The following CTNNA2 variants were observed in gnomAD, a reference collection of about 807,000 sequenced individuals.
CTNNA2 encodes catenin alpha-2.
A neutral mutation model predicts 101.0 loss-of-function variants in CTNNA2; 42 were observed. The ratio of observed to expected loss-of-function variants is 0.42; its 90% CI spans 0.32 to 0.54. The LOEUF is 0.54. CTNNA2 is among the 20% of genes least tolerant of loss of function. CTNNA2 has a pLI of 0.14. For missense variants in CTNNA2, 871 were observed against 1,223.1 expected (o/e 0.71, Z 4.29); for synonymous variants, 450 against 456.4 (o/e 0.99, Z 0.18).
At chr2:79,376,018 C>T (rs1236867714) in intron 4 of CTNNA2, among the ~76,000 whole-genome samples, 2 of 152,030 alleles carry the variant, frequency 1.3e-5, no homozygotes, top group African/African-American at 2.4e-5. Flanking sequence ...CATCAGGAAC[C>T]GAAAATGAAA....
chr2:80,595,560 G>A (rs762323068), intron 15 of CTNNA2, among the ~76,000 whole-genome samples: 5 of 152,134 alleles, frequency 3.3e-5, no homozygotes, highest in Non-Finnish European at 5.9e-5. Context: ...GGTCTTAGAG[G>A]TAAAGCTTTT....
At chr2:79,721,886 A>T (rs895642108) in intron 2 of CTNNA2, among the ~76,000 whole-genome samples, 3 of 152,198 alleles carry the variant, frequency 2.0e-5, no homozygotes, top group African/African-American at 4.8e-5. Context: ...TGTATTATGT[A>T]ATACAGTGGA....
chr2:80,545,880 T>C (rs746974300), intron 10 of CTNNA2, 27 bp from the exon 11 acceptor site: 1 of 1,609,654 alleles, frequency 6.2e-7, no homozygotes. Context: ...GTGGTCATCA[T>C]GTCCCTGGAT....
intron 7 of CTNNA2, among the ~76,000 whole-genome samples, chr2:79,930,943 G>T (rs531641868): frequency 6.6e-6 from 1 of 152,316 alleles, no homozygotes; most frequent in Non-Finnish European, 1.5e-5. Flanking sequence ...TTCTGGCAGA[G>T]CAATTGGACT....
chr2:79,849,560 C>A (rs992607509), intron 3 of CTNNA2, among the ~76,000 whole-genome samples: 1 of 152,054 alleles, frequency 6.6e-6, no homozygotes, highest in African/African-American at 2.4e-5. Flanking sequence ...GTCATAGCCA[C>A]CCTGGGGTGA....
intron 3 of CTNNA2, among the ~76,000 whole-genome samples, chr2:79,774,999 T>G (rs1211151040): frequency 6.6e-6 from 1 of 152,188 alleles, no homozygotes; most frequent in Non-Finnish European, 1.5e-5. Context: ...CCTTTATGAT[T>G]GGACTATATG....
intron 3 of CTNNA2, among the ~76,000 whole-genome samples, chr2:79,339,158 C>T (rs1677073450): frequency 2.0e-5 from 3 of 151,812 alleles, no homozygotes; most frequent in African/African-American, 7.3e-5. Flanking sequence ...AGCACTGAGC[C>T]CTGAGAAGTT....
At chr2:79,673,596 C>A (rs1450973944) in intron 2 of CTNNA2, among the ~76,000 whole-genome samples, 1 of 152,172 alleles carries the variant, frequency 6.6e-6, no homozygotes, top group Non-Finnish European at 1.5e-5. Flanking sequence ...TTACCTCTTT[C>A]AGCATTTTTT....
At chr2:79,276,629 C>A (rs935531971) in intron 2 of CTNNA2, among the ~76,000 whole-genome samples, 1 of 151,906 alleles carries the variant, frequency 6.6e-6, no homozygotes, top group Non-Finnish European at 1.5e-5. Context: ...GTTTTTTAGT[C>A]TATTACGGTG....
At chr2:79,504,796 A>G (rs1671377287) in intron 4 of CTNNA2, among the ~76,000 whole-genome samples, 1 of 152,224 alleles carries the variant, frequency 6.6e-6, no homozygotes. Context: ...ATTTAAGTAC[A>G]GTGAAAAGGG....
Position 80,113,005 on chromosome 2 carries a change from G to A in CTNNA2, c.1056+203208G>A, listed in dbSNP as rs1303786035. On this transcript the variant is annotated intron_variant, in intron 7 of 18. Coordinates refer to ENST00000402739, the MANE Select transcript of CTNNA2 (RefSeq NM_001282597.3). ...AGGCTGGCTGGTGCAATGATTAGCC[G>A]ATGCCATCTATCAGCCAGTGCTGTG... 5.3e-5 allele frequency among the ~76,000 whole-genome samples: 8 copies of A among 152,082 alleles called. No individual in the cohort carries two copies. In the South Asian group the frequency reaches 6.2e-4, roughly 12 times the overall value.
intron 8 of CTNNA2, among the ~76,000 whole-genome samples, chr2:80,414,711 A>C (rs1484799505): frequency 6.6e-6 from 1 of 152,216 alleles, no homozygotes; most frequent in Non-Finnish European, 1.5e-5. Flanking sequence ...TCACAAAGAC[A>C]CAGGGTGCCT....
chr2:79,321,294 A>T (rs1160501725), intron 3 of CTNNA2, among the ~76,000 whole-genome samples: 1 of 152,182 alleles, frequency 6.6e-6, no homozygotes, highest in Non-Finnish European at 1.5e-5. Flanking sequence ...ATTGCTCTTA[A>T]CTAGTCTATC....
chr2:79,584,604 A>G (rs534170149), intron 1 of CTNNA2, among the ~76,000 whole-genome samples: 1 of 149,254 alleles, frequency 6.7e-6, no homozygotes, highest in Admixed American at 6.7e-5. Flanking sequence ...AGCTCGCTGT[A>G]ATCTCTGCCT....
chr2:80,589,569 G>A, intron 15 of CTNNA2, 84 bp downstream of exon 15: 1 of 1,343,906 alleles, frequency 7.4e-7, no homozygotes, highest in Non-Finnish European at 1.0e-6. Context: ...AAAGCCTGCT[G>A]AAAAATTAAA....
intron 4 of CTNNA2, among the ~76,000 whole-genome samples, chr2:79,406,856 C>G (rs1053123029): frequency 6.6e-5 from 10 of 151,974 alleles, no homozygotes; most frequent in African/African-American, 2.4e-4. Flanking sequence ...TCCACTCACT[C>G]ACACTGCAGT....
chr2:79,527,440 G>A (rs1272101593), intron 1 of CTNNA2, among the ~76,000 whole-genome samples: 2 of 138,836 alleles, frequency 1.4e-5, no homozygotes, highest in African/African-American at 5.6e-5. Flanking sequence ...GACCATCCTG[G>A]CCAACATGGT....
chr2:79,322,429 G>C (rs76112891), intron 3 of CTNNA2, among the ~76,000 whole-genome samples: 3 of 152,168 alleles, frequency 2.0e-5, no homozygotes, highest in African/African-American at 7.2e-5. Flanking sequence ...ATTTGGAAAG[G>C]ATTTTTCCTG....
intron 2 of CTNNA2, among the ~76,000 whole-genome samples, chr2:79,725,847 A>G (rs1208724767): frequency 3.9e-5 from 6 of 152,140 alleles, no homozygotes; most frequent in African/African-American, 1.4e-4. Flanking sequence ...CATCTGTTCT[A>G]TGAGTCCAGG....
Sources: gnomAD v4.1 joint callset for allele counts (sites outside exome capture counted in the v4.1 genomes callset) on GRCh38, gnomAD v4.1.1 for gene constraint, MANE v1.5 for transcripts, NCBI Gene and HGNC (gene_info 2026-07-23, HGNC 2026-07-21) for gene names.